The following RBM26 variants were observed in gnomAD, a reference collection of about 807,000 sequenced individuals.
The protein encoded by RBM26 is RNA-binding protein 26.
RBM26 carries 30 observed loss-of-function variants against 123.6 expected under a neutral mutation model. The ratio of observed to expected loss-of-function variants is 0.24; its 90% CI spans 0.18 to 0.33. The LOEUF is 0.33. Among genes scored for constraint, RBM26 ranks in the 10% least tolerant of loss-of-function variants. The pLI is 1.00. For missense variants in RBM26, 947 were observed against 1,203.6 expected (o/e 0.79, Z 3.15); for synonymous variants, 400 against 404.4 (o/e 0.99, Z 0.13).
rs144034512 is a variant in RBM26 at position 79,346,298 on chromosome 13, A to G, written c.2059-1504T>C. ...AAACGAAATAAAAACCTAAAATATT[A>G]TAATTGTACTAGTTTCATACAGTAC... On this transcript the variant is annotated intron_variant, in intron 14 of 21. Coordinates refer to ENST00000438737, the MANE Select transcript of RBM26 (RefSeq NM_001366735.2). Among the ~76,000 whole-genome samples, 437 of 152,338 alleles carry G rather than the reference A, an allele frequency of 2.9e-3. 4 individuals carry two copies. The highest frequency in any genetic ancestry group is 0.01 in the African/African-American group (419 of 41,586).
chr13:79,315,054 A>C, downstream of RBM26: 1 of 1,003,494 alleles, frequency 1.0e-6, no homozygotes, highest in Non-Finnish European at 1.4e-6. Flanking sequence ...CTAAAACTTG[A>C]ATCACATCAT....
At chr13:79,324,991 T>C (rs1290048151) in intron 20 of RBM26, among the ~76,000 whole-genome samples, 1 of 152,064 alleles carries the variant, frequency 6.6e-6, no homozygotes, top group Non-Finnish European at 1.5e-5. Context: ...ACAATGACTA[T>C]ATACAAAAGT....
At chr13:79,325,640 T>C (rs776217676) in intron 20 of RBM26, among the ~76,000 whole-genome samples, 1 of 152,118 alleles carries the variant, frequency 6.6e-6, no homozygotes, top group Non-Finnish European at 1.5e-5. Flanking sequence ...TTTTTAAAAA[T>C]TGTAAAGTTT....
intron 1 of RBM26, among the ~76,000 whole-genome samples, chr13:79,399,505 A>G (rs933634073): frequency 2.6e-5 from 4 of 152,240 alleles, no homozygotes; most frequent in Admixed American, 1.3e-4. Context: ...TGAAATTAAG[A>G]CTCATATAAA....
At chr13:79,402,141 AT>A (rs547266110) in intron 1 of RBM26, among the ~76,000 whole-genome samples, 1 of 151,194 alleles carries the variant, frequency 6.6e-6, no homozygotes, top group African/African-American at 2.4e-5. Flanking sequence ...AAGGAGCTTA[AT>A]TTTTTTTTCA....
At chr13:79,386,468 TAAC>T (rs760393375) in intron 1 of RBM26, among the ~76,000 whole-genome samples, 11 of 150,002 alleles carry the variant, frequency 7.3e-5, no homozygotes, top group Non-Finnish European at 1.6e-4. Context: ...AATAGTCAGA[TAAC>T]AAAACCAAAG....
At chr13:79,374,449 G>A (rs764233416) in intron 3 of RBM26, among the ~76,000 whole-genome samples, 4 of 151,928 alleles carry the variant, frequency 2.6e-5, no homozygotes, top group Non-Finnish European at 5.9e-5. Context: ...ATGGGGCCAC[G>A]ACACTCCAGC....
intron 11 of RBM26, among the ~76,000 whole-genome samples, chr13:79,356,378 AAAAAAACAAAC>A (rs1476805291): frequency 0.19 from 10,949 of 58,476 alleles, 554 homozygotes; most frequent in Non-Finnish European, 0.25. Context: ...TCAAAAAAAA[AAAAAAACAAAC>A]AAAAAAAAAC....
intron 1 of RBM26, among the ~76,000 whole-genome samples, chr13:79,384,829 T>TG (rs1456375449): frequency 6.6e-6 from 1 of 152,166 alleles, no homozygotes; most frequent in Non-Finnish European, 1.5e-5. Flanking sequence ...ACCCATAGTG[T>TG]GTTTTAGTTT....
intron 19 of RBM26, among the ~76,000 whole-genome samples, chr13:79,335,018 T>C (rs1043452787): frequency 1.3e-5 from 2 of 152,142 alleles, no homozygotes; most frequent in African/African-American, 4.8e-5. Context: ...CACATTATAT[T>C]ATTCCTGTTT....
chr13:79,377,340 T>G, intron 3 of RBM26, 39 bp downstream of exon 3: 1 of 1,565,786 alleles, frequency 6.4e-7, no homozygotes, highest in Non-Finnish European at 8.8e-7. Flanking sequence ...TCCTCTTATG[T>G]GTTTAAATAA....
downstream of RBM26, among the ~76,000 whole-genome samples, chr13:79,318,566 T>C (rs2067358490): frequency 6.6e-6 from 1 of 151,394 alleles, no homozygotes; most frequent in Non-Finnish European, 1.5e-5. Context: ...TTAATCTCCA[T>C]TCTTTGGGAT....
chr13:79,379,035 G>C (rs543781999), intron 1 of RBM26, 128 bp from the exon 2 acceptor site: 4 of 624,088 alleles, frequency 6.4e-6, no homozygotes, highest in Non-Finnish European at 1.1e-5. Flanking sequence ...CCGGGTCACA[G>C]AGGACCTTGA....
At chr13:79,397,544 T>A (rs996922162) in intron 1 of RBM26, among the ~76,000 whole-genome samples, 1 of 151,112 alleles carries the variant, frequency 6.6e-6, no homozygotes, top group Admixed American at 6.6e-5. Flanking sequence ...TAGCCGGGTG[T>A]GGTGGCACGT....
chr13:79,328,039 C>T (rs2068707601), intron 20 of RBM26, among the ~76,000 whole-genome samples: 1 of 152,032 alleles, frequency 6.6e-6, no homozygotes, highest in Non-Finnish European at 1.5e-5. Flanking sequence ...ACTTGAAAGA[C>T]AATGAGGTTT....
intron 17 of RBM26, among the ~76,000 whole-genome samples, chr13:79,342,192 C>T (rs1044315933): frequency 6.6e-6 from 1 of 151,764 alleles, no homozygotes; most frequent in African/African-American, 2.4e-5. Flanking sequence ...CATACAGACA[C>T]ACCAAGTATA....
chr13:79,402,356 C>A (rs1344647695), intron 1 of RBM26, among the ~76,000 whole-genome samples: 1 of 151,670 alleles, frequency 6.6e-6, no homozygotes, highest in African/African-American at 2.4e-5. Flanking sequence ...AAACTCAGAA[C>A]CCTGATACAT....
chr13:79,377,378 C>T lies in RBM26; in HGVS notation c.327+1G>A. On this transcript the variant is annotated splice_donor_variant, in intron 3 of 21. Coordinates refer to ENST00000438737, the MANE Select transcript of RBM26 (RefSeq NM_001366735.2). LOFTEE classifies it high-confidence loss of function. ...TGTAAGGTATTAACACAAATCGTTA[C>T]CTCTTCCTTCTTTATATCTTTTTCT... 6.2e-7 allele frequency: 1 copy of T among 1,612,850 alleles called. No homozygotes were observed. The highest frequency in any genetic ancestry group is 8.5e-7 in the Non-Finnish European group (1 of 1,178,984).
intron 1 of RBM26, among the ~76,000 whole-genome samples, chr13:79,381,925 T>C (rs1465718000): frequency 6.6e-6 from 1 of 152,100 alleles, no homozygotes; most frequent in East Asian, 1.9e-4. Context: ...GAAGCAGGGG[T>C]TATAATTTCA....
Sources: allele counts gnomAD v4.1 joint callset (sites outside exome capture counted in the v4.1 genomes callset), GRCh38; gene constraint gnomAD v4.1.1; transcripts MANE v1.5; gene names NCBI Gene and HGNC (gene_info 2026-07-23, HGNC 2026-07-21).